Variants in PNPLA7 observed in about 807,000 individuals in gnomAD.
PNPLA7 encodes patatin like domain 7, lysophospholipase.
Under a neutral mutation model 161.7 loss-of-function variants are expected in PNPLA7, and 153 were observed. That is an observed-to-expected ratio of 0.95 (90% CI 0.83 to 1.08). The LOEUF (loss-of-function observed/expected upper bound fraction) is 1.08. PNPLA7 is among the 50% of genes least tolerant of loss of function. The pLI, the probability that PNPLA7 is intolerant of heterozygous loss-of-function variation, is 0.00. For missense variants in PNPLA7, 1,739 were observed against 1,856.6 expected (o/e 0.94, Z 1.16); for synonymous variants, 809 against 782.1 (o/e 1.03, Z -0.57).
At chr9:137,517,894 C>T (rs1325507878) in intron 11 of PNPLA7, among the ~76,000 whole-genome samples, 1 of 65,158 alleles carries the variant, frequency 1.5e-5, no homozygotes, top group Admixed American at 1.2e-4. Context: ...TCACTCACTC[C>T]ACTCTGTCCA....
chr9:137,522,319 CCA>C (rs1835058714), intron 9 of PNPLA7, among the ~76,000 whole-genome samples: 3 of 151,562 alleles, frequency 2.0e-5, no homozygotes, highest in African/African-American at 7.3e-5. Flanking sequence ...CGTGATCCGC[CCA>C]CCTCGGCCTC....
At position 137,460,138 on chromosome 9, in the gene PNPLA7, A is replaced by AG. The variant is rs1831101346; in HGVS notation, c.*254dup. On this transcript the variant is annotated 3_prime_UTR_variant, in exon 35 of 35. Coordinates refer to ENST00000406427, the MANE Select transcript of PNPLA7 (RefSeq NM_001098537.3). ...GCTTCGGGGGGCCTCACAGGGCTGC[A>AG]GGGGGTTCACAGAGCTTCAGGGGCC... 2.5e-6 allele frequency: 1 copy of AG among 399,708 alleles called. No homozygotes were observed. Among genetic ancestry groups the AG allele is most frequent in the Non-Finnish European group, 4.7e-6 (1 of 214,644 alleles). The allele number at this position is 399,708 out of a possible 1,614,324, so 24.8% of individuals were successfully genotyped here.
At chr9:137,519,621 G>A (rs148318024) in intron 11 of PNPLA7, among the ~76,000 whole-genome samples, 6 of 152,106 alleles carry the variant, frequency 3.9e-5, no homozygotes, top group Non-Finnish European at 8.8e-5. Context: ...ATGGGGACAC[G>A]TGAGGAGACC....
intron 20 of PNPLA7, 25 bp downstream of exon 20, chr9:137,492,988 C>G (rs1440367297): frequency 8.1e-6 from 13 of 1,608,308 alleles, no homozygotes; most frequent in South Asian, 1.1e-5. Context: ...TCCCAGGAGG[C>G]TCTGGGTTGG....
chr9:137,466,967 C>T (rs1033331462), intron 26 of PNPLA7, among the ~76,000 whole-genome samples: 3 of 149,532 alleles, frequency 2.0e-5, no homozygotes, highest in Non-Finnish European at 3.0e-5. Flanking sequence ...CGGATCAGAC[C>T]GCCTCCCACC....
rs149071383 is a variant in PNPLA7 at position 137,478,078 on chromosome 9, C to G, written c.2838G>C (p.Leu946=). Residue 946 remains leucine (L), a synonymous_variant, in exon 25 of 35, where the codon CTG becomes CTC. Coordinates refer to ENST00000406427, the MANE Select transcript of PNPLA7 (RefSeq NM_001098537.3). The part of the protein sequence containing the change: ...HSDFSRLARV[L]TGNAIALVLG... ...GCACCAGGGCAATGGCGTTGCCCGT[C>G]AGCACCCTCGCCAGGCGGGAGAAGT... 5.0e-6 allele frequency: 7 copies of G among 1,404,518 alleles called. No individual in the cohort carries two copies. In the African/African-American group the frequency reaches 7.5e-5, roughly 15 times the overall value. 87.0% of individuals were successfully genotyped at this position (1,404,518 alleles called of 1,614,324 possible).
intron 28 of PNPLA7, 51 bp downstream of exon 28, chr9:137,464,075 C>G (rs1254158192): frequency 1.9e-6 from 3 of 1,585,594 alleles, no homozygotes; most frequent in Non-Finnish European, 1.7e-6. Flanking sequence ...AGCTCTCCCC[C>G]TGCCCACACC....
intron 25 of PNPLA7, among the ~76,000 whole-genome samples, chr9:137,470,567 T>C (rs1274476159): frequency 1.3e-5 from 2 of 151,786 alleles, no homozygotes; most frequent in Non-Finnish European, 2.9e-5. Context: ...AAAGTAAAAA[T>C]AAAAATTTTT....
At chr9:137,519,772 G>C in intron 11 of PNPLA7, 145 bp downstream of exon 11, 2 of 1,099,238 alleles carry the variant, frequency 1.8e-6, no homozygotes, top group Non-Finnish European at 2.5e-6. Flanking sequence ...GACTTGTAGG[G>C]TGACCTGGGC....
chr9:137,512,955 T>C (rs1834315887), intron 12 of PNPLA7, among the ~76,000 whole-genome samples: 1 of 144,994 alleles, frequency 6.9e-6, no homozygotes, highest in Non-Finnish European at 1.5e-5. Flanking sequence ...AGAACGAGCC[T>C]CTGTCTGAAA....
At chr9:137,539,617 A>C (rs192844032) in intron 8 of PNPLA7, among the ~76,000 whole-genome samples, 5 of 152,242 alleles carry the variant, frequency 3.3e-5, no homozygotes, top group Admixed American at 2.0e-4. Flanking sequence ...TGCAATGAGC[A>C]AAGATCATGC....
intron 30 of PNPLA7, 121 bp from the exon 31 acceptor site, chr9:137,462,452 A>C: frequency 6.8e-7 from 1 of 1,471,334 alleles, no homozygotes; most frequent in South Asian, 1.4e-5. Context: ...CTGGGGGGAG[A>C]GGGTAGCAGC....
chr9:137,534,046 C>G (rs1042406688), intron 8 of PNPLA7, among the ~76,000 whole-genome samples: 4 of 151,842 alleles, frequency 2.6e-5, no homozygotes, highest in Admixed American at 2.6e-4. Flanking sequence ...TGGGAGCACC[C>G]CCAGACTCCT....
At position 137,486,549 on chromosome 9, in the gene PNPLA7, TC is replaced by T. The variant is rs1832493482; in HGVS notation, c.2198-1814del. Among the ~76,000 whole-genome samples, 1 of 152,054 alleles carries T rather than the reference TC, an allele frequency of 6.6e-6. No individual in the cohort carries two copies. The highest frequency in any genetic ancestry group is 2.4e-5 in the African/African-American group (1 of 41,390). ...AGAAACAGATAAATGATGCTGCCCA[TC>T]CCACATCCCGAATGAGTGTCCAAGA... On this transcript the variant is annotated intron_variant, in intron 20 of 34. Coordinates refer to ENST00000406427, the MANE Select transcript of PNPLA7 (RefSeq NM_001098537.3). This position sits in a 1 kb window ranked among gnomAD's most constrained non-coding sequence, Gnocchi z 6.0.
intron 14 of PNPLA7, among the ~76,000 whole-genome samples, chr9:137,502,703 C>CGGGGGACGCGGGGGACGGGGGGGCGGG (rs1833525891): frequency 8.9e-5 from 1 of 11,192 alleles, no homozygotes. Flanking sequence ...GGGGGGGACG[C>CGGGGGACGCGGGGGACGGGGGGGCGGG]GGGGGACGCG....
intron 20 of PNPLA7, chr9:137,492,056 G>C: frequency 1.0e-6 from 1 of 985,386 alleles, no homozygotes; most frequent in Non-Finnish European, 1.2e-6. Context: ...AGGGGATCTG[G>C]GGTCAAATGC....
intron 25 of PNPLA7, among the ~76,000 whole-genome samples, chr9:137,475,010 C>CAAAAAAAAAAAAAAAAAAAAAAAAAA (rs58417100): frequency 6.3e-5 from 4 of 63,612 alleles, no homozygotes; most frequent in African/African-American, 2.7e-4. Context: ...GACTCTGCCT[C>CAAAAAAAAAAAAAAAAAAAAAAAAAA]AAAAAAAAAA....
In PNPLA7 at chr9:137,541,144, A is replaced by T. The variant is rs1055967364; in HGVS notation, c.667-422T>A. ...CCGCGCTATTTTGGTGATTTAACAA[A>T]GTAAGCACTTCATCTCAGCTTGACC... On this transcript the variant is annotated intron_variant, in intron 7 of 34. Coordinates refer to ENST00000406427, the MANE Select transcript of PNPLA7 (RefSeq NM_001098537.3). The surrounding 1 kb of genome is among the most constrained non-coding windows in gnomAD (Gnocchi z 4.4). Among the ~76,000 whole-genome samples, 7 of 152,236 alleles carry T rather than the reference A, an allele frequency of 4.6e-5. No homozygotes were observed. The highest frequency in any genetic ancestry group is 1.0e-4 in the Non-Finnish European group (7 of 68,046).
chr9:137,511,271 G>C (rs1485816960), intron 12 of PNPLA7, among the ~76,000 whole-genome samples: 3 of 151,500 alleles, frequency 2.0e-5, no homozygotes, highest in African/African-American at 7.3e-5. Flanking sequence ...ACCTTGGCCT[G>C]GTGGTAGCGC....
Sources: allele counts gnomAD v4.1 joint callset (sites outside exome capture counted in the v4.1 genomes callset), GRCh38; gene constraint gnomAD v4.1.1; non-coding constraint Gnocchi (gnomAD v3.1); transcripts MANE v1.5; gene names NCBI Gene and HGNC (gene_info 2026-07-23, HGNC 2026-07-21).